KCNMA1: variants seen among roughly 807,000 people sequenced by gnomAD.
The protein encoded by KCNMA1 is Calcium-activated potassium channel subunit alpha-1.
In KCNMA1, 29 loss-of-function variants were observed where a neutral mutation model predicts 140.0. The observed-to-expected ratio is 0.21, with a 90% CI of 0.15 to 0.28. KCNMA1 has a LOEUF of 0.28. KCNMA1 is among the 10% of genes least tolerant of loss of function. The pLI is 1.00. For synonymous variants in KCNMA1, 612 were observed against 611.9 expected, an observed-to-expected ratio of 1.00 and a Z score of 0.00; for missense variants, 880 against 1,602.2, an observed-to-expected ratio of 0.55 and a Z score of 7.70.
intron 2 of KCNMA1, among the ~76,000 whole-genome samples, chr10:77,389,486 T>C (rs142597164): frequency 5.1e-4 from 77 of 152,228 alleles, no homozygotes; most frequent in African/African-American, 1.8e-3. Context: ...GAGCAAAGGA[T>C]AGGGGCTGTT....
chr10:76,991,481 C>T (rs1262813267), intron 19 of KCNMA1, among the ~76,000 whole-genome samples: 1 of 152,148 alleles, frequency 6.6e-6, no homozygotes, highest in East Asian at 1.9e-4. Flanking sequence ...CCCTCTTACT[C>T]TTCTTGTACA....
intron 2 of KCNMA1, among the ~76,000 whole-genome samples, chr10:77,374,025 T>C (rs1322518571): frequency 2.0e-5 from 3 of 152,190 alleles, no homozygotes; most frequent in African/African-American, 7.2e-5. Flanking sequence ...AAAGATTGAT[T>C]GGTCTTGGCA....
chr10:77,540,260 C>T (rs1417469621), intron 1 of KCNMA1, among the ~76,000 whole-genome samples: 1 of 152,172 alleles, frequency 6.6e-6, no homozygotes, highest in African/African-American at 2.4e-5. Flanking sequence ...AGCAATAAGG[C>T]AAAGCTGGGG....
intron 1 of KCNMA1, among the ~76,000 whole-genome samples, chr10:77,405,438 T>G (rs2096440066): frequency 6.6e-6 from 1 of 152,226 alleles, no homozygotes; most frequent in African/African-American, 2.4e-5. Flanking sequence ...TAGAAAGGGC[T>G]ATGAGTATCA....
chr10:77,389,691 T>C (rs1003531685), intron 2 of KCNMA1, among the ~76,000 whole-genome samples: 5 of 152,210 alleles, frequency 3.3e-5, no homozygotes, highest in Admixed American at 1.3e-4. Context: ...CTCCTTCTCA[T>C]TGAGCTGGCC....
chr10:77,476,658 T>A (rs562981234), intron 1 of KCNMA1, among the ~76,000 whole-genome samples: 4 of 152,212 alleles, frequency 2.6e-5, no homozygotes, highest in Admixed American at 6.5e-5. Context: ...AGTGGACTGA[T>A]AATGTCATCG....
intron 4 of KCNMA1, 114 bp downstream of exon 4, chr10:77,184,709 C>T (rs1478838826): frequency 1.8e-5 from 14 of 765,744 alleles, no homozygotes; most frequent in Non-Finnish European, 2.8e-5. Context: ...AATGCGGGTG[C>T]GCTGTTTCTC....
chr10:76,957,492 T>C (rs776448436), intron 20 of KCNMA1, among the ~76,000 whole-genome samples: 7 of 152,178 alleles, frequency 4.6e-5, no homozygotes, highest in South Asian at 4.1e-4. Context: ...GGAAGATTGT[T>C]ATAAAAATTG....
intron 23 of KCNMA1, among the ~76,000 whole-genome samples, chr10:76,933,741 C>T (rs897019811): frequency 2.0e-5 from 3 of 152,130 alleles, no homozygotes; most frequent in Non-Finnish European, 4.4e-5. Context: ...TCTGGTAGAA[C>T]ATCTCTCCTG....
intron 1 of KCNMA1, among the ~76,000 whole-genome samples, chr10:77,594,281 A>G (rs904626738): frequency 6.6e-6 from 1 of 152,154 alleles, no homozygotes; most frequent in Non-Finnish European, 1.5e-5. Context: ...AAAAGGCAAG[A>G]GACAACTTCC....
chr10:76,887,743 T>C (rs1222196673), intron 27 of KCNMA1: 1 of 567,860 alleles, frequency 1.8e-6, no homozygotes, highest in Middle Eastern at 4.8e-4. Flanking sequence ...AGATGTGGAA[T>C]TAGAGCCAGT....
chr10:77,007,651 G>GTTTATATATATATATATATATA (rs1419890065), intron 18 of KCNMA1, among the ~76,000 whole-genome samples: 1 of 8,398 alleles, frequency 1.2e-4, no homozygotes, highest in Non-Finnish European at 3.1e-4. Context: ...TATTGTGTGT[G>GTTTATATATATATATATATATA]TGTATATATA....
chr10:77,215,494 A>T (rs1445874800), intron 3 of KCNMA1, among the ~76,000 whole-genome samples: 1 of 150,146 alleles, frequency 6.7e-6, no homozygotes, highest in Non-Finnish European at 1.5e-5. Flanking sequence ...TCCAGCATAG[A>T]TCAGGTAATT....
At chr10:77,210,542 T>C (rs1257050541) in intron 3 of KCNMA1, among the ~76,000 whole-genome samples, 1 of 152,168 alleles carries the variant, frequency 6.6e-6, no homozygotes, top group Non-Finnish European at 1.5e-5. Flanking sequence ...CTATTCAATA[T>C]GGCATTGCAA....
intron 1 of KCNMA1, among the ~76,000 whole-genome samples, chr10:77,494,492 A>G (rs561482541): frequency 6.6e-6 from 1 of 152,204 alleles, no homozygotes; most frequent in Admixed American, 6.5e-5. Flanking sequence ...GAGTCCCCAG[A>G]GTCAGTCAAT....
intron 1 of KCNMA1, among the ~76,000 whole-genome samples, chr10:77,583,344 T>C (rs1269673826): frequency 6.6e-6 from 1 of 152,238 alleles, no homozygotes; most frequent in East Asian, 1.9e-4. Flanking sequence ...CACAAATGGC[T>C]GCTGGAATCC....
intron 1 of KCNMA1, among the ~76,000 whole-genome samples, chr10:77,536,292 T>C (rs1217715814): frequency 6.6e-6 from 1 of 152,230 alleles, no homozygotes; most frequent in Non-Finnish European, 1.5e-5. Context: ...TCCCTCAGGT[T>C]TGAGGCCACA....
chr10:77,119,574 C>T (rs1397896535), intron 6 of KCNMA1, among the ~76,000 whole-genome samples: 1 of 152,004 alleles, frequency 6.6e-6, no homozygotes, highest in South Asian at 2.1e-4. Flanking sequence ...CTTCATTGAT[C>T]GTTTACATTT....
intron 23 of KCNMA1, among the ~76,000 whole-genome samples, chr10:76,931,391 G>A (rs1369955776): frequency 6.6e-6 from 1 of 151,984 alleles, no homozygotes; most frequent in Non-Finnish European, 1.5e-5. Flanking sequence ...CTATGAAGAG[G>A]TAGGAGGAGG....
Sources: gnomAD v4.1 joint callset for allele counts (sites outside exome capture counted in the v4.1 genomes callset) on GRCh38, gnomAD v4.1.1 for gene constraint, MANE v1.5 for transcripts, NCBI Gene and HGNC (gene_info 2026-07-23, HGNC 2026-07-21) for gene names.